SDK1: variants seen among roughly 807,000 people sequenced by gnomAD.
The protein encoded by SDK1 is sidekick cell adhesion molecule 1.
A neutral mutation model predicts 245.5 loss-of-function variants in SDK1; 157 were observed. The observed-to-expected ratio is 0.64, with a 90% CI of 0.56 to 0.73. SDK1 has a LOEUF of 0.73. SDK1 is among the 30% of genes least tolerant of loss of function. The pLI, the probability that SDK1 is intolerant of heterozygous loss-of-function variation, is 0.00. For synonymous variants in SDK1, 1,647 were observed against 1,278.5 expected, an observed-to-expected ratio of 1.29 and a Z score of -6.15; for missense variants, 3,583 against 3,002.3, an observed-to-expected ratio of 1.19 and a Z score of -4.52.
intron 4 of SDK1, among the ~76,000 whole-genome samples, chr7:3,654,697 T>G (rs1047921178): frequency 3.3e-5 from 5 of 152,248 alleles, no homozygotes; most frequent in Non-Finnish European, 7.3e-5. Flanking sequence ...GAGAAACGTT[T>G]CTGTGCCAAG....
intron 1 of SDK1, among the ~76,000 whole-genome samples, chr7:3,540,742 C>T (rs1393533041): frequency 2.0e-5 from 3 of 152,116 alleles, no homozygotes; most frequent in Non-Finnish European, 2.9e-5. Context: ...AAGTTGTTTC[C>T]ATAAGGCTCT....
intron 1 of SDK1, among the ~76,000 whole-genome samples, chr7:3,573,135 T>C (rs1780170828): frequency 6.6e-6 from 1 of 152,022 alleles, no homozygotes; most frequent in African/African-American, 2.4e-5. Flanking sequence ...AGTGGGGTGC[T>C]ATAGTTGAGT....
At chr7:3,888,938 G>A (rs776562996) in intron 5 of SDK1, among the ~76,000 whole-genome samples, 1 of 152,096 alleles carries the variant, frequency 6.6e-6, no homozygotes, top group East Asian at 1.9e-4. Context: ...AGGAACTATG[G>A]CTCTTTATTA....
chr7:3,791,894 C>G (rs1356588385), intron 4 of SDK1, among the ~76,000 whole-genome samples: 1 of 151,870 alleles, frequency 6.6e-6, no homozygotes, highest in East Asian at 1.9e-4. Flanking sequence ...GAGGGTGAAG[C>G]GGGAGGGTCA....
At chr7:4,131,169 C>A (rs891808518) in intron 27 of SDK1, among the ~76,000 whole-genome samples, 2 of 152,198 alleles carry the variant, frequency 1.3e-5, no homozygotes, top group Admixed American at 1.3e-4. Context: ...TAAAAATGGG[C>A]CTATTAGAAA....
At chr7:4,158,419 C>G (rs578075871) in intron 30 of SDK1, 29 bp from the exon 31 acceptor site, 8 of 1,572,740 alleles carry the variant, frequency 5.1e-6, no homozygotes, top group African/African-American at 2.7e-5. Flanking sequence ...GGCAGGGCCC[C>G]GGCAGTCACG....
chr7:3,754,550 C>G lies in SDK1; in HGVS notation c.714-66900C>G, dbSNP rs142133181. 2.6e-4 allele frequency among the ~76,000 whole-genome samples: 39 copies of G among 152,244 alleles called. No individual in the cohort carries two copies. In the East Asian group the frequency reaches 7.3e-3, roughly 29 times the overall value. On this transcript the variant is annotated intron_variant, in intron 4 of 44. Transcript: ENST00000404826. ...AGTTTTACTCCAAAAGTTGATTCTC[C>G]TTTCCTCAGTATCCCCTGTTCCCTG...
At chr7:4,028,824 G>A (rs1444965230) in intron 17 of SDK1, among the ~76,000 whole-genome samples, 2 of 152,162 alleles carry the variant, frequency 1.3e-5, no homozygotes, top group Non-Finnish European at 2.9e-5. Context: ...ATCTCAAAAA[G>A]GAGAGGAAGA....
intron 4 of SDK1, among the ~76,000 whole-genome samples, chr7:3,722,516 C>G (rs1778846427): frequency 2.0e-5 from 3 of 152,174 alleles, no homozygotes; most frequent in Non-Finnish European, 4.4e-5. Context: ...CATTTGCCTT[C>G]CCTCCTCTTC....
At chr7:3,952,154 T>G in intron 7 of SDK1, 2 of 530,658 alleles carry the variant, frequency 3.8e-6, no homozygotes, top group Non-Finnish European at 6.6e-6. Flanking sequence ...TTCTGAATAC[T>G]CCAGTCACAA....
intron 5 of SDK1, among the ~76,000 whole-genome samples, chr7:3,930,295 A>G (rs1162623101): frequency 6.6e-6 from 1 of 152,196 alleles, no homozygotes; most frequent in Non-Finnish European, 1.5e-5. Context: ...ACTCAGAACT[A>G]GACTCCCAGA....
At chr7:3,375,147 C>G (rs1215476960) in intron 1 of SDK1, among the ~76,000 whole-genome samples, 1 of 150,696 alleles carries the variant, frequency 6.6e-6, no homozygotes, top group Non-Finnish European at 1.5e-5. Context: ...TGTGGGCTCT[C>G]ACATGTAATA....
intron 1 of SDK1, among the ~76,000 whole-genome samples, chr7:3,540,975 T>C (rs1779036920): frequency 6.6e-6 from 1 of 152,236 alleles, no homozygotes. Flanking sequence ...AGTTTTATTT[T>C]ACTGGAGGAA....
intron 4 of SDK1, among the ~76,000 whole-genome samples, chr7:3,813,010 A>T (rs560842110): frequency 6.6e-6 from 1 of 152,324 alleles, no homozygotes; most frequent in South Asian, 2.1e-4. Flanking sequence ...TTTGCTCTTG[A>T]TGGAATAAAC....
intron 18 of SDK1, 109 bp from the exon 19 acceptor site, chr7:4,051,529 T>A: frequency 1.1e-6 from 1 of 944,616 alleles, no homozygotes. Flanking sequence ...ATGGACTTTC[T>A]TAATTATGAC....
chr7:3,689,991 T>A (rs1784400673), intron 4 of SDK1, among the ~76,000 whole-genome samples: 1 of 152,252 alleles, frequency 6.6e-6, no homozygotes, highest in South Asian at 2.1e-4. Flanking sequence ...TGTATTTGAG[T>A]TGTTAAGCTA....
At chr7:4,137,643 C>A (rs636392) in intron 28 of SDK1, among the ~76,000 whole-genome samples, 25,212 of 152,178 alleles carry the variant, frequency 0.17, 2,307 homozygotes, top group Non-Finnish European at 0.19. Flanking sequence ...CCTTTTAATG[C>A]TCATATTATC....
intron 14 of SDK1, among the ~76,000 whole-genome samples, chr7:3,998,356 A>T (rs1340778649): frequency 2.6e-5 from 4 of 152,264 alleles, no homozygotes; most frequent in Non-Finnish European, 2.9e-5. Flanking sequence ...AAGGAACATG[A>T]TACTGACTTG....
intron 5 of SDK1, among the ~76,000 whole-genome samples, chr7:3,947,484 T>C (rs979052147): frequency 3.3e-5 from 5 of 152,118 alleles, no homozygotes; most frequent in East Asian, 1.9e-4. Context: ...CAGATTTTTT[T>C]CACCGGGATT....
Sources: allele counts gnomAD v4.1 joint callset (sites outside exome capture counted in the v4.1 genomes callset), GRCh38; gene constraint gnomAD v4.1.1; transcripts MANE v1.5; gene names NCBI Gene and HGNC (gene_info 2026-07-23, HGNC 2026-07-21).